LRPPRC: variants seen among roughly 807,000 people sequenced by gnomAD.
LRPPRC encodes leucine rich pentatricopeptide repeat containing.
A neutral mutation model predicts 180.3 loss-of-function variants in LRPPRC; 120 were observed. The observed-to-expected ratio is 0.67, with a 90% confidence interval of 0.57 to 0.77. The LOEUF (loss-of-function observed/expected upper bound fraction) is 0.77, where lower values mean the gene tolerates loss of function less well. LRPPRC is among the 30% of genes least tolerant of loss of function. The pLI, the probability that LRPPRC is intolerant of heterozygous loss-of-function variation, is 0.00. For synonymous variants in LRPPRC, 723 were observed against 600.0 expected, an observed-to-expected ratio of 1.21 and a Z score of -3.00; for missense variants, 2,012 against 1,657.2, an observed-to-expected ratio of 1.21 and a Z score of -3.72.
At chr2:43,953,354 A>G (rs1367229375) in intron 14 of LRPPRC, among the ~76,000 whole-genome samples, 1 of 152,240 alleles carries the variant, frequency 6.6e-6, no homozygotes, top group African/African-American at 2.4e-5. Context: ...ACAATAAGAA[A>G]AATTAACCAA....
rs771286281 is a variant in LRPPRC at position 43,960,561 on chromosome 2, A to G, written c.1562T>C (p.Leu521Ser). 1.3e-6 allele frequency: 2 copies of G among 1,585,480 alleles called. No homozygotes were observed. The highest frequency in any genetic ancestry group is 2.2e-5 in the South Asian group (2 of 90,526). ...GLRSEAANGN[L>S]DFVLSFLKSN... ...CTTACAAAATGATAATACAAAGTCT[A>G]AGTTCCCATTTGCTGCTTCACTTCT... The change falls in exon 13 of 38, where the codon TTA becomes TCA. Residue 521 changes from leucine (L) to serine (S), a missense_variant. Leu to Ser is a moderately radical substitution (Grantham distance 145). Transcript: ENST00000260665.
chr2:43,974,436 CA>C lies in LRPPRC; in HGVS notation c.1010-142del, dbSNP rs939202302. ...TGCCTAAATAACAATAAAACACCTG[CA>C]AATCAAATCATCCCCATGTGTTCAT... On this transcript the variant is annotated intron_variant, in intron 8 of 37. Transcript: ENST00000260665. 9 of 814,682 alleles carry C rather than the reference CA, an allele frequency of 1.1e-5. No homozygotes were observed. The African/African-American group carries it at 1.5e-4, about 14-fold the overall frequency. The allele number at this position is 814,682 out of a possible 1,614,324, so 50.5% of individuals were successfully genotyped here. A position where few individuals can be genotyped will look rare whatever the true frequency, so the allele number is the denominator to read the frequency against.
intron 25 of LRPPRC, among the ~76,000 whole-genome samples, chr2:43,930,960 T>C (rs1672066550): frequency 1.3e-5 from 2 of 152,200 alleles, no homozygotes; most frequent in Non-Finnish European, 1.5e-5. Flanking sequence ...GAAGACAGTG[T>C]TGCAGACCAT....
At chr2:43,973,505 C>T in intron 11 of LRPPRC, 102 bp downstream of exon 11, 1 of 786,356 alleles carries the variant, frequency 1.3e-6, no homozygotes, top group Non-Finnish European at 2.3e-6. Flanking sequence ...TCATAATACT[C>T]AGGAATAAGT....
At chr2:43,952,715 T>C (rs1415995770) in intron 14 of LRPPRC, among the ~76,000 whole-genome samples, 1 of 152,212 alleles carries the variant, frequency 6.6e-6, no homozygotes, top group Non-Finnish European at 1.5e-5. Context: ...CGTATTTAAG[T>C]TCTTTGTTTC....
At chr2:43,962,730 A>AG (rs571906798) in intron 12 of LRPPRC, among the ~76,000 whole-genome samples, 115 of 152,324 alleles carry the variant, frequency 7.5e-4, no homozygotes, top group African/African-American at 2.7e-3. Context: ...AGTTTAAAAA[A>AG]AGAGAGAGAG....
intron 11 of LRPPRC, among the ~76,000 whole-genome samples, chr2:43,964,683 AAATTT>A (rs1374710732): frequency 2.0e-5 from 3 of 152,164 alleles, no homozygotes; most frequent in Admixed American, 6.5e-5. Context: ...CTTTTAGATA[AAATTT>A]AATTATGTAA....
At chr2:43,922,005 A>G (rs911929080) in intron 27 of LRPPRC, among the ~76,000 whole-genome samples, 2 of 152,226 alleles carry the variant, frequency 1.3e-5, no homozygotes, top group African/African-American at 4.8e-5. Context: ...TCAGAACATA[A>G]GAAAATGTTT....
At chr2:43,933,656 G>C (rs902944750) in intron 25 of LRPPRC, among the ~76,000 whole-genome samples, 1 of 151,844 alleles carries the variant, frequency 6.6e-6, no homozygotes, top group African/African-American at 2.4e-5. Flanking sequence ...TCCTAAATAG[G>C]CCAGGTTTGT....
rs754760201 is a variant in LRPPRC at position 43,946,155 on chromosome 2, C to A, written c.2168G>T (p.Arg723Leu). The A allele has an allele frequency of 6.2e-7, 1 of 1,612,214 alleles. No homozygotes were observed. The highest frequency in any genetic ancestry group is 1.1e-5 in the South Asian group (1 of 91,036). ...CAAGGCATCTTCTACTTTATCATGT[C>A]GACAGCATAAATTTATTAAAGCTGC... Reference protein sequence around the residue: ...GYAALINLCCRHDKVEDALNL... With the variant: ...GYAALINLCCLHDKVEDALNL... Residue 723 changes from arginine (R) to leucine (L), a missense_variant, in exon 21 of 38, where the codon CGA (arginine) becomes CTA (leucine). By Grantham distance (102) the Arg-to-Leu change is moderately radical (BLOSUM62 -2). Transcript: ENST00000260665.
intron 23 of LRPPRC, among the ~76,000 whole-genome samples, chr2:43,939,122 A>C (rs1672380738): frequency 6.6e-6 from 1 of 151,160 alleles, no homozygotes; most frequent in African/African-American, 2.4e-5. Context: ...AATACAAAAA[A>C]AAAAAAAAAA....
At chr2:43,960,935 A>C (rs1239604570) in intron 12 of LRPPRC, among the ~76,000 whole-genome samples, 1 of 152,196 alleles carries the variant, frequency 6.6e-6, no homozygotes, top group Non-Finnish European at 1.5e-5. Flanking sequence ...GATTCAATGC[A>C]TTAATCTAAA....
intron 27 of LRPPRC, among the ~76,000 whole-genome samples, chr2:43,919,596 A>C (rs1188618291): frequency 6.6e-6 from 1 of 152,188 alleles, no homozygotes; most frequent in Non-Finnish European, 1.5e-5. Context: ...TTCATGTGGT[A>C]ATCTAGTCTT....
At chr2:43,890,159 T>C in intron 36 of LRPPRC, 1 of 455,422 alleles carries the variant, frequency 2.2e-6, no homozygotes, top group African/African-American at 2.0e-5. Flanking sequence ...TATTACATTA[T>C]TTAAGACCTA....
At chr2:43,994,649 G>C (rs1025331574) in intron 1 of LRPPRC, among the ~76,000 whole-genome samples, 1 of 152,122 alleles carries the variant, frequency 6.6e-6, no homozygotes, top group African/African-American at 2.4e-5. Flanking sequence ...GTCCTTACGC[G>C]AGCTCTCAAA....
At chr2:43,935,578 AAATT>A (rs1431512673) in intron 23 of LRPPRC, among the ~76,000 whole-genome samples, 1 of 152,226 alleles carries the variant, frequency 6.6e-6, no homozygotes, top group Non-Finnish European at 1.5e-5. Flanking sequence ...TTTATGTGAG[AAATT>A]AAAATAAAAA....
chr2:43,958,855 G>T, intron 13 of LRPPRC: 1 of 212,474 alleles, frequency 4.7e-6, no homozygotes, highest in Non-Finnish European at 9.3e-6. Flanking sequence ...GTAAATCAAA[G>T]CTGGAGGGGA....
chr2:43,938,112 A>C (rs1672338687), intron 23 of LRPPRC, among the ~76,000 whole-genome samples: 1 of 152,130 alleles, frequency 6.6e-6, no homozygotes, highest in African/African-American at 2.4e-5. Context: ...GCTCACTCCT[A>C]ATAAAAATTT....
At position 43,886,381 on chromosome 2, in the gene LRPPRC, T is replaced by G. The variant is rs900578055; in HGVS notation, c.*2219A>C. Reference sequence around the variant, plus strand: ...GCTTATAATTTGAGTGTAAATGTATTACAGAAAGCTGCTAAATTGTTTATA... The same window carrying G: ...GCTTATAATTTGAGTGTAAATGTATGACAGAAAGCTGCTAAATTGTTTATA... On this transcript the variant is annotated 3_prime_UTR_variant, in exon 38 of 38. Coordinates refer to ENST00000260665, the MANE Select transcript of LRPPRC (RefSeq NM_133259.4). 1 of 152,198 alleles carries G rather than the reference T, an allele frequency of 6.6e-6. No homozygotes were observed. Among genetic ancestry groups the G allele is most frequent in the African/African-American group, 2.4e-5 (1 of 41,452 alleles). The allele number at this position is 152,198 out of a possible 1,614,324, so 9.4% of individuals were successfully genotyped here. A position where few individuals can be genotyped will look rare whatever the true frequency, so the allele number is the denominator to read the frequency against.
Sources: gnomAD v4.1 joint callset for allele counts (sites outside exome capture counted in the v4.1 genomes callset) on GRCh38, gnomAD v4.1.1 for gene constraint, MANE v1.5 for transcripts, NCBI Gene and HGNC (gene_info 2026-07-23, HGNC 2026-07-21) for gene names.